Variants in UHRF1 observed in about 807,000 individuals in gnomAD.
The protein encoded by UHRF1 is ubiquitin like with PHD and ring finger domains 1, also known as E3 ubiquitin-protein ligase UHRF1.
In UHRF1, 9 loss-of-function variants were observed where a neutral mutation model predicts 96.5. The ratio of observed to expected loss-of-function variants is 0.09; its 90% CI spans 0.06 to 0.16. UHRF1 has a LOEUF of 0.16. Among genes scored for constraint, UHRF1 ranks in the 10% least tolerant of loss-of-function variants. UHRF1 has a pLI of 1.00. For missense variants in UHRF1, 626 were observed against 1,131.1 expected, an observed-to-expected ratio of 0.55 and a Z score of 6.40; for synonymous variants, 455 against 469.9, an observed-to-expected ratio of 0.97 and a Z score of 0.41.
intron 9 of UHRF1, 142 bp from the exon 10 acceptor site, chr19:4,945,719 G>C (rs1035229058): frequency 4.7e-6 from 3 of 641,148 alleles, no homozygotes; most frequent in Admixed American, 2.3e-5. Context: ...AGCAGCACAC[G>C]TAGTAGGTGA....
upstream of UHRF1, chr19:4,909,241 G>A: frequency 1.9e-6 from 1 of 512,880 alleles, no homozygotes; most frequent in Non-Finnish European, 3.4e-6. Context: ...CAAGGCTCCT[G>A]GGGTGTCCAC....
At chr19:4,907,384 T>C (rs1009299394), upstream of UHRF1, among the ~76,000 whole-genome samples, 1 of 152,266 alleles carries the variant, frequency 6.6e-6, no homozygotes, top group Non-Finnish European at 1.5e-5. Context: ...ATTCTCTGCC[T>C]CAGCTTCCCG....
chr19:4,930,010 T>C lies in UHRF1; in HGVS notation c.408+534T>C, dbSNP rs2032998129. On this transcript the variant is annotated intron_variant, in intron 3 of 16. Transcript: ENST00000650932. This position sits in a 1 kb window ranked among gnomAD's most constrained non-coding sequence, Gnocchi z 4.4. ...ACTTTTTTAATACATGGTCTCATTC[T>C]GTCGCCCAGGCTGGAGTACAGTGGT... Among the ~76,000 whole-genome samples the C allele has an allele frequency of 6.6e-6, 1 of 152,116 alleles. No individual in the cohort carries two copies. Among genetic ancestry groups the C allele is most frequent in the Non-Finnish European group, 1.5e-5 (1 of 68,042 alleles).
Position 4,941,866 on chromosome 19 carries a change from C to T in UHRF1, c.1008C>T (p.Cys336=), listed in dbSNP as rs768655467. 9.6e-6 allele frequency: 15 copies of T among 1,556,480 alleles called. No individual in the cohort carries two copies. Among genetic ancestry groups the T allele is most frequent in the African/African-American group, 1.4e-5 (1 of 72,924 alleles). The change falls in exon 7 of 17, where the codon TGC becomes TGT. Residue 336 remains cysteine (C), a synonymous_variant. Coordinates refer to ENST00000650932, the MANE Select transcript of UHRF1 (RefSeq NM_001048201.3). ...ACAAGCAGCTCATGTGCGATGAGTG[C>T]GACATGGCCTTCCACATCTACTGCC... ...DPDKQLMCDE[C]DMAFHIYCLD... is the part of the protein sequence containing the mutation.
intron 2 of UHRF1, among the ~76,000 whole-genome samples, chr19:4,917,915 C>G (rs2146300972): frequency 6.6e-6 from 1 of 152,186 alleles, no homozygotes; most frequent in African/African-American, 2.4e-5. Context: ...CCTGCCTCGG[C>G]CTTCTGAGTA....
In UHRF1 at chr19:4,930,538, C is replaced by T. The variant is rs1377980534; in HGVS notation, c.409-178C>T. Among the ~76,000 whole-genome samples the T allele has an allele frequency of 6.6e-6, 1 of 152,248 alleles. No individual in the cohort carries two copies. The highest frequency in any genetic ancestry group is 1.9e-4 in the East Asian group (1 of 5,196). On this transcript the variant is annotated intron_variant, in intron 3 of 16. Transcript: ENST00000650932. This position sits in a 1 kb window ranked among gnomAD's most constrained non-coding sequence, Gnocchi z 4.4. ...GCCCCCTGGCCCCGCATCCCCGTCA[C>T]CCCTGCCGGGGCTGGTTTCTCATGG...
chr19:4,957,324 T>TTTTTTTTTTC (rs2033883681), intron 16 of UHRF1, among the ~76,000 whole-genome samples: 1 of 105,318 alleles, frequency 9.5e-6, no homozygotes, highest in African/African-American at 3.1e-5. Context: ...TTTTTTTTTT[T>TTTTTTTTTTC]CTGAGACAGA....
At chr19:4,955,257 T>C (rs7245753) in intron 15 of UHRF1, among the ~76,000 whole-genome samples, 4,993 of 152,242 alleles carry the variant, frequency 0.033, 270 homozygotes, top group African/African-American at 0.11. Flanking sequence ...AGGGCAGGGA[T>C]AGGGCTGGGC....
At position 4,941,895 on chromosome 19, in the gene UHRF1, A is replaced by G; in HGVS notation, c.1037A>G (p.Asp346Gly). Reference protein sequence around the residue: ...CDMAFHIYCLDPPLSSVPSED... With the variant: ...CDMAFHIYCLGPPLSSVPSED... Reference sequence around the variant, plus strand: ...ATGGCCTTCCACATCTACTGCCTGGACCCGCCCCTCAGCAGTGTTCCCAGC... The same window carrying G: ...ATGGCCTTCCACATCTACTGCCTGGGCCCGCCCCTCAGCAGTGTTCCCAGC... Residue 346 changes from aspartate (D) to glycine (G), a missense_variant, in exon 7 of 17, where the codon GAC becomes GGC. Coordinates refer to ENST00000650932, the MANE Select transcript of UHRF1 (RefSeq NM_001048201.3). 6.5e-7 allele frequency: 1 copy of G among 1,534,158 alleles called. No individual in the cohort carries two copies.
upstream of UHRF1, chr19:4,909,321 G>A (rs983782461): frequency 3.5e-6 from 2 of 572,164 alleles, no homozygotes; most frequent in African/African-American, 2.0e-5. Context: ...GAGCGCGCAG[G>A]GCTGGGCGGA....
upstream of UHRF1, among the ~76,000 whole-genome samples, chr19:4,905,862 A>G (rs886068690): frequency 1.3e-5 from 2 of 152,154 alleles, no homozygotes; most frequent in African/African-American, 4.8e-5. Context: ...TCTTCTTCCA[A>G]TGTGGCCCAG....
rs71170880 is a variant in UHRF1, at chr19:4,938,730, GTTTTTTTTTTT to G, written c.786-2777_786-2767del. 1.5e-3 allele frequency among the ~76,000 whole-genome samples: 90 copies of G among 61,588 alleles called. 1 individual carries two copies. The South Asian group carries it at 0.03, about 20-fold the overall frequency. The allele number at this position is 61,588 out of a possible 152,430, so 40.4% of individuals were successfully genotyped here. On this transcript the variant is annotated intron_variant, in intron 5 of 16. Transcript: ENST00000650932. ...GGCATAAGAGTTTTGTTTTGGTCAG[GTTTTTTTTTTT>G]TTTTTTTTTTTTTTTTTTTTGAGAT...
chr19:4,943,040 C>G (rs2145178521), intron 7 of UHRF1, among the ~76,000 whole-genome samples: 1 of 151,908 alleles, frequency 6.6e-6, no homozygotes, highest in South Asian at 2.1e-4. Flanking sequence ...GAAATTGAGG[C>G]CAGCCTGGCC....
chr19:4,920,346 C>A (rs189742789), intron 2 of UHRF1, among the ~76,000 whole-genome samples: 1 of 151,940 alleles, frequency 6.6e-6, no homozygotes, highest in Non-Finnish European at 1.5e-5. Flanking sequence ...GCAGGAGAAT[C>A]GCTTGAACCC....
At chr19:4,953,601 C>G (rs1272759766) in intron 13 of UHRF1, among the ~76,000 whole-genome samples, 1 of 151,934 alleles carries the variant, frequency 6.6e-6, no homozygotes, top group Non-Finnish European at 1.5e-5. Flanking sequence ...GTAGCTGGGA[C>G]TACAGATGCA....
intron 5 of UHRF1, 82 bp downstream of exon 5, chr19:4,933,038 C>A: frequency 7.0e-7 from 1 of 1,438,660 alleles, no homozygotes; most frequent in Non-Finnish European, 9.3e-7. Context: ...TGAAGCCGTC[C>A]AGCCAGCGCT....
chr19:4,944,930 G>T (rs2033517882), intron 9 of UHRF1, among the ~76,000 whole-genome samples: 1 of 152,130 alleles, frequency 6.6e-6, no homozygotes, highest in Non-Finnish European at 1.5e-5. Context: ...AGCATCTCTG[G>T]CCCCCACCCA....
At chr19:4,917,075 G>GC (rs1420007560) in intron 2 of UHRF1, among the ~76,000 whole-genome samples, 1 of 151,508 alleles carries the variant, frequency 6.6e-6, no homozygotes, top group African/African-American at 2.4e-5. Flanking sequence ...CTCGGTGGGG[G>GC]GGGGGGGTGC....
intron 2 of UHRF1, among the ~76,000 whole-genome samples, chr19:4,917,377 C>G (rs903309554): frequency 3.3e-5 from 5 of 151,540 alleles, no homozygotes; most frequent in African/African-American, 1.2e-4. Context: ...TCCACAAGGC[C>G]GGGCGTGGTG....
Sources: allele counts gnomAD v4.1 joint callset (sites outside exome capture counted in the v4.1 genomes callset), GRCh38; gene constraint gnomAD v4.1.1; non-coding constraint Gnocchi (gnomAD v3.1); transcripts MANE v1.5; gene names NCBI Gene and HGNC (gene_info 2026-07-23, HGNC 2026-07-21).